SFMBT1: variants seen among roughly 807,000 people sequenced by gnomAD.
SFMBT1 encodes the protein Scm like with four mbt domains 1, also known as scm-like with four MBT domains protein 1.
SFMBT1 carries 32 observed loss-of-function variants against 108.7 expected under a neutral mutation model. The ratio of observed to expected loss-of-function variants is 0.29; its 90% CI spans 0.22 to 0.40. The LOEUF (loss-of-function observed/expected upper bound fraction) is 0.40. Among genes scored for constraint, SFMBT1 ranks in the 10% least tolerant of loss-of-function variants. The pLI is 1.00. For missense variants in SFMBT1, 816 were observed against 1,059.6 expected (o/e 0.77, Z 3.19); for synonymous variants, 348 against 369.5 (o/e 0.94, Z 0.67).
At chr3:52,939,477 G>A (rs926054072) in intron 4 of SFMBT1, among the ~76,000 whole-genome samples, 1 of 152,180 alleles carries the variant, frequency 6.6e-6, no homozygotes, top group African/African-American at 2.4e-5. Flanking sequence ...AGGAGGCTGA[G>A]GCAGAAGAAC....
intron 9 of SFMBT1, among the ~76,000 whole-genome samples, chr3:52,926,326 ACT>A (rs1180256888): frequency 6.6e-6 from 1 of 152,176 alleles, no homozygotes; most frequent in Non-Finnish European, 1.5e-5. Flanking sequence ...AGACAATCAG[ACT>A]CTGGATAAAT....
intron 1 of SFMBT1, among the ~76,000 whole-genome samples, chr3:52,997,074 A>G (rs1006374684): frequency 1.3e-5 from 2 of 149,146 alleles, no homozygotes; most frequent in African/African-American, 4.9e-5. Context: ...GTCTCAAAAA[A>G]AAACAAAAAC....
chr3:52,959,270 C>A (rs1341987608), intron 2 of SFMBT1, among the ~76,000 whole-genome samples: 1 of 152,088 alleles, frequency 6.6e-6, no homozygotes. Context: ...ACATGTATCC[C>A]GGAAATTAAA....
At chr3:52,946,330 T>A (rs189936974) in intron 3 of SFMBT1, among the ~76,000 whole-genome samples, 3 of 152,376 alleles carry the variant, frequency 2.0e-5, no homozygotes, top group African/African-American at 7.2e-5. Flanking sequence ...AGTCCCACAT[T>A]CTGTGTAAAA....
At chr3:52,975,383 T>C (rs900678037) in intron 1 of SFMBT1, among the ~76,000 whole-genome samples, 4 of 152,124 alleles carry the variant, frequency 2.6e-5, no homozygotes, top group Admixed American at 6.5e-5. Context: ...TTTGACTTGA[T>C]AAGATAATTT....
At chr3:52,948,825 A>ATTTTTTTTTTTTTTTTTTTTTTTTTTTT (rs71615878) in intron 3 of SFMBT1, among the ~76,000 whole-genome samples, 1 of 78,282 alleles carries the variant, frequency 1.3e-5, no homozygotes, top group Non-Finnish European at 2.4e-5. Flanking sequence ...CTAATTTTTA[A>ATTTTTTTTTTTTTTTTTTTTTTTTTTTT]TTTTTTTTTT....
chr3:53,030,328 A>C (rs1303429806), intron 1 of SFMBT1, among the ~76,000 whole-genome samples: 2 of 152,162 alleles, frequency 1.3e-5, no homozygotes, highest in African/African-American at 2.4e-5. Context: ...TAAAAATACA[A>C]AAGAAACTGG....
intron 1 of SFMBT1, among the ~76,000 whole-genome samples, chr3:53,045,500 G>A (rs1209284367): frequency 7.0e-5 from 10 of 143,742 alleles, no homozygotes. Context: ...CTGCCTGCCA[G>A]GGGCTGACGG....
At chr3:52,945,136 T>TAAAAAAAAAAAAACAAAAAAAAAA (rs1703316734) in intron 3 of SFMBT1, among the ~76,000 whole-genome samples, 1 of 48,512 alleles carries the variant, frequency 2.1e-5, no homozygotes, top group Non-Finnish European at 4.5e-5. Flanking sequence ...ACCTTCCAAT[T>TAAAAAAAAAAAAACAAAAAAAAAA]AAAAAAAAAA....
intron 1 of SFMBT1, among the ~76,000 whole-genome samples, chr3:53,017,670 C>T (rs1699171696): frequency 6.6e-6 from 1 of 152,178 alleles, no homozygotes; most frequent in South Asian, 2.1e-4. Flanking sequence ...TCATATGAAA[C>T]AACCCCACGA....
chr3:52,933,385 T>TAGAAGTATATTAAAA (rs1702916143), intron 5 of SFMBT1, among the ~76,000 whole-genome samples: 1 of 152,206 alleles, frequency 6.6e-6, no homozygotes, highest in Admixed American at 6.5e-5. Flanking sequence ...TCTCACTATC[T>TAGAAGTATATTAAAA]AGAAGTATAT....
intron 1 of SFMBT1, among the ~76,000 whole-genome samples, chr3:52,979,581 C>T (rs1188583411): frequency 1.3e-5 from 2 of 152,162 alleles, no homozygotes; most frequent in Non-Finnish European, 2.9e-5. Flanking sequence ...GTCACAAGAC[C>T]CCATCCAACT....
rs11717619 is a variant in SFMBT1 at position 52,969,163 on chromosome 3, A to C, written c.-35T>G. 154,550 of 1,612,966 alleles carry C rather than the reference A, an allele frequency of 0.096. 8,021 individuals carry two copies. Among genetic ancestry groups the C allele is most frequent in the African/African-American group, 0.15 (11,072 of 74,950 alleles). On this transcript the variant is annotated 5_prime_UTR_variant, in exon 2 of 21. Transcript: ENST00000394752. The stretch of plus-strand genomic sequence containing the variant: ...ATATAGGCAGGCTATATCCTCCCAA[A>C]ACAAAGGAAAGGCCTATGGTTCTGC...
chr3:52,918,404 A>C, intron 13 of SFMBT1, 80 bp downstream of exon 13: 1 of 1,126,620 alleles, frequency 8.9e-7, no homozygotes, highest in South Asian at 1.6e-5. Flanking sequence ...ATCTGAGAAA[A>C]TGAGGAAATA....
chr3:52,962,051 A>C (rs963124316), intron 2 of SFMBT1, among the ~76,000 whole-genome samples: 1 of 152,258 alleles, frequency 6.6e-6, no homozygotes, highest in African/African-American at 2.4e-5. Flanking sequence ...ATTTTGTTTT[A>C]AGAGAAATGC....
chr3:52,968,359 G>GA (rs1304475459), intron 2 of SFMBT1, among the ~76,000 whole-genome samples: 1 of 150,166 alleles, frequency 6.7e-6, no homozygotes, highest in Non-Finnish European at 1.5e-5. Flanking sequence ...ATGGTTCCAG[G>GA]AATCTACACA....
chr3:52,935,508 C>G (rs1702979252), intron 4 of SFMBT1, among the ~76,000 whole-genome samples: 2 of 152,188 alleles, frequency 1.3e-5, no homozygotes, highest in South Asian at 2.1e-4. Context: ...TTGCCAATGC[C>G]TGGCTTATAC....
intron 3 of SFMBT1, among the ~76,000 whole-genome samples, chr3:52,947,279 G>A (rs1469465654): frequency 5.3e-5 from 8 of 151,856 alleles, no homozygotes; most frequent in Middle Eastern, 3.2e-3. Context: ...CACCAAGCCC[G>A]GCTAATTTTC....
At chr3:52,980,942 C>T (rs1216776131) in intron 1 of SFMBT1, among the ~76,000 whole-genome samples, 2 of 152,276 alleles carry the variant, frequency 1.3e-5, no homozygotes, top group Non-Finnish European at 2.9e-5. Flanking sequence ...GCGGGTGGAT[C>T]ACCTGAGGTG....
Sources: allele counts gnomAD v4.1 joint callset (sites outside exome capture counted in the v4.1 genomes callset), GRCh38; gene constraint gnomAD v4.1.1; transcripts MANE v1.5; gene names NCBI Gene and HGNC (gene_info 2026-07-23, HGNC 2026-07-21).